Variants in MED1 observed in about 807,000 individuals in gnomAD.
The protein encoded by MED1 is mediator of RNA polymerase II transcription subunit 1.
A neutral mutation model predicts 121.3 loss-of-function variants in MED1; 17 were observed. That is an observed-to-expected ratio of 0.14 (90% CI 0.10 to 0.21). MED1 has a LOEUF of 0.21. Among genes scored for constraint, MED1 ranks in the 10% least tolerant of loss-of-function variants. MED1 has a pLI of 1.00. For synonymous variants in MED1, 661 were observed against 694.4 expected (o/e 0.95, Z 0.76); for missense variants, 1,558 against 1,919.4 (o/e 0.81, Z 3.52).
rs2048330606 is a variant in MED1, at chr17:39,409,065, G to A, written c.3156C>T (p.Pro1052=). ...SPGSAGRSQT[P]PGVATPPIPK... ...GAATGGGTGGTGTGGCAACACCTGGGGGAGTCTGAGATCTTCCTGCACTGC... is the reference window on the plus strand; with the variant it reads ...GAATGGGTGGTGTGGCAACACCTGGAGGAGTCTGAGATCTTCCTGCACTGC... The change falls in exon 17 of 17, where the codon CCC becomes CCT. Residue 1052 remains proline (P), a synonymous_variant. Coordinates refer to ENST00000300651, the MANE Select transcript of MED1 (RefSeq NM_004774.4). The A allele has an allele frequency of 1.2e-6, 2 of 1,614,006 alleles. No homozygotes were observed. Among genetic ancestry groups the A allele is most frequent in the Admixed American group, 1.7e-5 (1 of 59,992 alleles).
intron 16 of MED1, among the ~76,000 whole-genome samples, chr17:39,413,912 T>TAA (rs66489961): frequency 0.011 from 786 of 69,754 alleles, 21 homozygotes; most frequent in African/African-American, 0.038. Context: ...GTAATATCAT[T>TAA]AAAAAAAAAA....
chr17:39,430,923 G>A (rs2048559692), intron 9 of MED1, among the ~76,000 whole-genome samples, 192 bp downstream of exon 9: 1 of 151,872 alleles, frequency 6.6e-6, no homozygotes, highest in Admixed American at 6.6e-5. Context: ...GGAGGCTGAG[G>A]CATGAGATTC....
At chr17:39,421,559 T>TAA (rs199622258) in intron 13 of MED1, among the ~76,000 whole-genome samples, 1 of 151,410 alleles carries the variant, frequency 6.6e-6, no homozygotes, top group East Asian at 2.0e-4. Flanking sequence ...TCTCAAAAAA[T>TAA]AAAAAAATAA....
rs777253424 is a variant in MED1, at chr17:39,408,187, T to C, written c.4034A>G (p.Asn1345Ser). ...SSSHPMSSKH[N>S]MSGGEFQGKR... ...GCCCTGAAACTCTCCTCCTGACATG[T>C]TATGTTTGGAGGACATAGGATGGCT... The change falls in exon 17 of 17, where the codon AAC (asparagine) becomes AGC (serine). Residue 1345 changes from asparagine to serine, a missense_variant. Asn to Ser is a conservative substitution (Grantham distance 46, BLOSUM62 1). This residue lies in a region of MED1 where 264 missense variants were observed against 326.1 expected (regional missense o/e 0.81). Coordinates refer to ENST00000300651, the MANE Select transcript of MED1 (RefSeq NM_004774.4). This position sits in a 1 kb window ranked among gnomAD's most constrained non-coding sequence, Gnocchi z 4.7. 1 of 1,613,954 alleles carries C rather than the reference T, an allele frequency of 6.2e-7. No homozygotes were observed. The highest frequency in any genetic ancestry group is 8.5e-7 in the Non-Finnish European group (1 of 1,180,040).
chr17:39,410,055 A>C lies in MED1; in HGVS notation c.2166T>G (p.Pro722=). Residue 722 remains proline (P), a synonymous_variant, in exon 17 of 17, where the codon CCT becomes CCG. Coordinates refer to ENST00000300651, the MANE Select transcript of MED1 (RefSeq NM_004774.4). The part of the protein sequence containing the change: ...LFSMDVDSQN[P]IFDVNMTADT... Reference sequence around the variant, plus strand: ...CAGCTGTCATGTTGACATCAAAGATAGGGTTCTGTGAGTCAACATCCATTG... The same window carrying C: ...CAGCTGTCATGTTGACATCAAAGATCGGGTTCTGTGAGTCAACATCCATTG... 1 of 1,614,110 alleles carries C rather than the reference A, an allele frequency of 6.2e-7. No individual in the cohort carries two copies. The highest frequency in any genetic ancestry group is 1.3e-5 in the African/African-American group (1 of 75,012).
At chr17:39,448,882 C>G (rs2048754996) in intron 1 of MED1, among the ~76,000 whole-genome samples, 1 of 152,080 alleles carries the variant, frequency 6.6e-6, no homozygotes, top group African/African-American at 2.4e-5. Context: ...GCACTCCAAC[C>G]TGGGCAACAA....
intron 13 of MED1, among the ~76,000 whole-genome samples, chr17:39,421,460 G>A (rs1213132282): frequency 6.6e-6 from 1 of 151,640 alleles, no homozygotes; most frequent in African/African-American, 2.4e-5. Flanking sequence ...TGAGGCAGGA[G>A]AATCACTTGA....
intron 7 of MED1, among the ~76,000 whole-genome samples, chr17:39,432,732 G>A (rs2048577370): frequency 6.7e-6 from 1 of 149,408 alleles, no homozygotes; most frequent in Admixed American, 6.7e-5. Context: ...CCAGCCTGGT[G>A]GCAGAGCGAG....
intron 14 of MED1, among the ~76,000 whole-genome samples, chr17:39,419,174 C>G (rs1245586762): frequency 1.3e-5 from 2 of 152,000 alleles, no homozygotes; most frequent in African/African-American, 4.8e-5. Context: ...CTCTGCCTCC[C>G]AGGCTCAAGC....
Position 39,431,967 on chromosome 17 carries a change from G to A in MED1, c.550C>T (p.Leu184Phe). The A allele has an allele frequency of 6.2e-7, 1 of 1,607,198 alleles. No individual in the cohort carries two copies. Among genetic ancestry groups the A allele is most frequent in the South Asian group, 1.1e-5 (1 of 90,920 alleles). The change falls in exon 8 of 17, where the codon CTT becomes TTT. Residue 184 changes from leucine to phenylalanine, a missense_variant. Around this residue, in one of 5 missense-constraint regions of MED1, gnomAD observed 443 missense variants for 532.4 expected, o/e 0.83. Coordinates refer to ENST00000300651, the MANE Select transcript of MED1 (RefSeq NM_004774.4). Reference sequence around the variant, plus strand: ...CAGTACATAATTGCCATTTTAGAAAGATCTTGTTCTAAGGATTGGAGAGCC... The same window carrying A: ...CAGTACATAATTGCCATTTTAGAAAAATCTTGTTCTAAGGATTGGAGAGCC... ...YLALQSLEQD[L>F]SKMAIMYWKA...
intron 16 of MED1, among the ~76,000 whole-genome samples, chr17:39,414,106 A>G (rs1045150320): frequency 6.6e-6 from 1 of 151,420 alleles, no homozygotes; most frequent in African/African-American, 2.4e-5. Flanking sequence ...ACATGCCTGT[A>G]ATCCTAGCTA....
intron 6 of MED1, among the ~76,000 whole-genome samples, chr17:39,436,527 C>T (rs1218433261): frequency 6.6e-6 from 1 of 152,060 alleles, no homozygotes; most frequent in Non-Finnish European, 1.5e-5. Flanking sequence ...AGTCTTAACT[C>T]TGAGTTTAAA....
At chr17:39,422,122 C>T (rs576843154) in intron 13 of MED1, among the ~76,000 whole-genome samples, 12 of 81,564 alleles carry the variant, frequency 1.5e-4, no homozygotes, top group South Asian at 9.1e-4. Flanking sequence ...AGCAAGACTC[C>T]GTCTCAAAAA....
chr17:39,450,003 G>A (rs1252496157), intron 1 of MED1, among the ~76,000 whole-genome samples: 3 of 149,276 alleles, frequency 2.0e-5, no homozygotes, highest in Non-Finnish European at 3.0e-5. Flanking sequence ...TAGTAGAGAC[G>A]GGTTTTCTCC....
Position 39,407,409 on chromosome 17 carries a change from G to A in MED1, c.*66C>T, listed in dbSNP as rs2048312483. 6.6e-7 allele frequency: 1 copy of A among 1,505,644 alleles called. No homozygotes were observed. Among genetic ancestry groups the A allele is most frequent in the Non-Finnish European group, 8.8e-7 (1 of 1,130,144 alleles). 93.3% of individuals were successfully genotyped at this position (1,505,644 alleles called of 1,614,324 possible). The stretch of plus-strand genomic sequence containing the variant: ...CCTGTCTGACTCACCCCTTATGGTG[G>A]TTTGCCTATAAACTTATCAATAGTT... On this transcript the variant is annotated 3_prime_UTR_variant, in exon 17 of 17. Transcript: ENST00000300651.
chr17:39,426,205 C>T (rs752563351), intron 10 of MED1, among the ~76,000 whole-genome samples: 7 of 151,964 alleles, frequency 4.6e-5, no homozygotes, highest in African/African-American at 7.2e-5. Context: ...CTAGCACTTT[C>T]GGAGGCCAAG....
intron 3 of MED1, among the ~76,000 whole-genome samples, chr17:39,441,813 T>G (rs868008628): frequency 1.6e-4 from 24 of 151,524 alleles, no homozygotes; most frequent in African/African-American, 5.3e-4. Context: ...AAGATAATAC[T>G]CAGCTGAGAC....
intron 9 of MED1, among the ~76,000 whole-genome samples, chr17:39,428,889 T>C (rs1597864944): frequency 6.9e-6 from 1 of 145,088 alleles, no homozygotes; most frequent in East Asian, 2.1e-4. Context: ...GAGGTGGAGG[T>C]TGCAGTGAGC....
In MED1 at chr17:39,447,889, C is replaced by G. The variant is rs1416924945; in HGVS notation, c.41G>C (p.Ser14Thr). Residue 14 changes from serine to threonine, a missense_variant, in exon 2 of 17, where the codon AGT becomes ACT. Ser to Thr is a moderately conservative substitution (Grantham distance 58). Transcript: ENST00000300651. ...QGETEESEKLSKMSSLLERLH... is the reference protein window; with the variant it reads ...QGETEESEKLTKMSSLLERLH... ...CCGTTCCAGGAGAGAACTCATCTTA[C>G]TCAGCTTTTCTGACTCTATGATTTA... The G allele has an allele frequency of 6.2e-6, 10 of 1,610,948 alleles. No individual in the cohort carries two copies. In the South Asian group the frequency reaches 8.8e-5, roughly 14 times the overall value.
Sources: allele counts gnomAD v4.1 joint callset (sites outside exome capture counted in the v4.1 genomes callset), GRCh38; gene constraint gnomAD v4.1.1; regional missense constraint gnomAD v4.1.1; non-coding constraint Gnocchi (gnomAD v3.1); transcripts MANE v1.5; gene names NCBI Gene and HGNC (gene_info 2026-07-23, HGNC 2026-07-21).